AK1: variants seen among roughly 807,000 people sequenced by gnomAD.
AK1 encodes the protein adenylate kinase isoenzyme 1.
In AK1, 13 loss-of-function variants were observed where a neutral mutation model predicts 23.9. That is an observed-to-expected ratio of 0.54 (90% CI 0.35 to 0.86). The LOEUF is 0.86. Among genes scored for constraint, AK1 ranks in the 40% least tolerant of loss-of-function variants. The probability of loss-of-function intolerance (pLI) is 0.01; values close to 1 mark genes in which losing one functional copy is unlikely to be tolerated. For synonymous variants in AK1, 97 were observed against 102.8 expected, an observed-to-expected ratio of 0.94 and a Z score of 0.34; for missense variants, 214 against 255.1, an observed-to-expected ratio of 0.84 and a Z score of 1.10.
In AK1 at chr9:127,873,430, T is replaced by A. The variant is rs1231634567; in HGVS notation, c.8-369A>T. On this transcript the variant is annotated intron_variant, in intron 2 of 6. Transcript: ENST00000644144. ...AGATCGTCTTCTCTGCGGGGGTCAC[T>A]CGAGGAGCAGCAGCCCATGGTCCCG... 3.9e-6 allele frequency: 6 copies of A among 1,558,230 alleles called. No homozygotes were observed. The Admixed American group carries it at 9.8e-5, about 25-fold the overall frequency.
chr9:127,870,141 G>A (rs952250713), intron 5 of AK1, among the ~76,000 whole-genome samples: 11 of 151,818 alleles, frequency 7.2e-5, no homozygotes, highest in African/African-American at 2.7e-4. Context: ...GCAGGGATGG[G>A]ACCAGGGCTG....
chr9:127,871,783 CCCCAGCCCACCAGGATCCCCACTTGGGT>C lies in AK1; in HGVS notation c.324+12_324+39del. On this transcript the variant is annotated intron_variant, in intron 5 of 6. Transcript: ENST00000644144. The surrounding 1 kb of genome is among the most constrained non-coding windows in gnomAD (Gnocchi z 4.4). ...CCATGGGGATGGGAGTCTTATCCTG[CCCCAGCCCACCAGGATCCCCACTTGGGT>C]CAGTGCCTTACCCGTCGCTCAAACT... 1 of 1,566,162 alleles carries C rather than the reference CCCCAGCCCACCAGGATCCCCACTTGGGT, an allele frequency of 6.4e-7. No homozygotes were observed. Among genetic ancestry groups the C allele is most frequent in the Non-Finnish European group, 8.8e-7 (1 of 1,136,970 alleles).
At chr9:127,872,922 C>A in intron 3 of AK1, 69 bp from the exon 4 acceptor site, 1 of 1,613,002 alleles carries the variant, frequency 6.2e-7, no homozygotes, top group Non-Finnish European at 8.5e-7. Flanking sequence ...CTGCCAGGGT[C>A]TCCCAGAGAG....
rs540816728 is a variant in AK1, at chr9:127,876,427, C to G, written c.-33+1196G>C. 5.3e-5 allele frequency among the ~76,000 whole-genome samples: 8 copies of G among 152,330 alleles called. No individual in the cohort carries two copies. In the South Asian group the frequency reaches 1.7e-3, roughly 32 times the overall value. On this transcript the variant is annotated intron_variant, in intron 1 of 6. Coordinates refer to ENST00000644144, the MANE Select transcript of AK1 (RefSeq NM_000476.3). ...GACTGGTTCGAGGGCCAGCTAGGGTCCAACTCGGCCCTGAGTTTCTGCTAC... is the reference window on the plus strand; with the variant it reads ...GACTGGTTCGAGGGCCAGCTAGGGTGCAACTCGGCCCTGAGTTTCTGCTAC...
chr9:127,872,845 C>T lies in AK1; in HGVS notation c.52G>A (p.Gly18Ser), dbSNP rs757082739. 1 of 1,614,096 alleles carries T rather than the reference C, an allele frequency of 6.2e-7. No homozygotes were observed. Among genetic ancestry groups the T allele is most frequent in the Admixed American group, 1.7e-5 (1 of 60,022 alleles). ...TKIIFVVGGPGSGKGTQCEKI... is the reference protein window; with the variant it reads ...TKIIFVVGGPSSGKGTQCEKI... ...TCACACTGGGTGCCCTTCCCTGAGC[C>T]AGGCCCACCTGCAAACGCCCACCCA... Residue 18 changes from glycine (G) to serine (S), a missense_variant, in exon 4 of 7, where the codon GGC becomes AGC. Physicochemically the swap from Gly to Ser is moderately conservative, Grantham distance 56. Coordinates refer to ENST00000644144, the MANE Select transcript of AK1 (RefSeq NM_000476.3).
intron 5 of AK1, among the ~76,000 whole-genome samples, chr9:127,870,196 G>A (rs1050737307): frequency 1.6e-5 from 2 of 128,396 alleles, no homozygotes; most frequent in Non-Finnish European, 3.2e-5. Context: ...TGGAAGGGTG[G>A]GGACTTTTTT....
chr9:127,873,818 C>G (rs1829475787), intron 2 of AK1: 1 of 985,316 alleles, frequency 1.0e-6, no homozygotes, highest in South Asian at 4.7e-5. Context: ...AATAGAGGAC[C>G]AGGCTGTATC....
Position 127,867,737 on chromosome 9 carries a change from G to C in AK1, c.*271C>G, listed in dbSNP as rs1829278808. On this transcript the variant is annotated 3_prime_UTR_variant, in exon 7 of 7. Transcript: ENST00000644144. ...GAGGGGTGGCTGGCAAAGGGAGGCT[G>C]AGGAGGAACGGAGGGTTGAGGGGCT... is the stretch of plus-strand genomic sequence containing the variant. 4.4e-6 allele frequency: 2 copies of C among 454,482 alleles called. No homozygotes were observed. The highest frequency in any genetic ancestry group is 6.9e-5 in the Admixed American group (2 of 29,020). 28.2% of individuals were successfully genotyped at this position (454,482 alleles called of 1,614,324 possible).
At chr9:127,870,515 A>G (rs1003708781) in intron 5 of AK1, among the ~76,000 whole-genome samples, 1 of 151,730 alleles carries the variant, frequency 6.6e-6, no homozygotes, top group Non-Finnish European at 1.5e-5. Context: ...CATTAACTCT[A>G]TTTTCTAGAT....
Position 127,868,211 on chromosome 9 carries a change from GA to G in AK1, c.516+109del, listed in dbSNP as rs1201140809. The G allele has an allele frequency of 2.8e-6, 4 of 1,448,874 alleles. No homozygotes were observed. Among genetic ancestry groups the G allele is most frequent in the Non-Finnish European group, 3.8e-6 (4 of 1,052,420 alleles). 89.8% of individuals were successfully genotyped at this position (1,448,874 alleles called of 1,614,324 possible). A position where few individuals can be genotyped will look rare whatever the true frequency, so the allele number is the denominator to read the frequency against. On this transcript the variant is annotated intron_variant, in intron 6 of 6. Transcript: ENST00000644144. The surrounding 1 kb of genome is among the most constrained non-coding windows in gnomAD (Gnocchi z 4.1). ...AGCAGCCCCTCATTGAACCAGTGGGGAAACCAAGGCCCAGAGAGAGGGGCTG... is the reference window on the plus strand; with the variant it reads ...AGCAGCCCCTCATTGAACCAGTGGGGAACCAAGGCCCAGAGAGAGGGGCTG...
upstream of AK1, chr9:127,878,436 A>AGAGAACGG (rs1554816389): frequency 6.6e-6 from 1 of 152,282 alleles, no homozygotes; most frequent in Non-Finnish European, 1.5e-5. Context: ...TAGACACAGC[A>AGAGAACGG]GAGAACGGGA....
chr9:127,875,185 C>G (rs1829509525), intron 1 of AK1, among the ~76,000 whole-genome samples: 1 of 152,054 alleles, frequency 6.6e-6, no homozygotes, highest in African/African-American at 2.4e-5. Flanking sequence ...AGGAGCCGCT[C>G]GCATGAACAC....
At chr9:127,870,442 G>T (rs908463398) in intron 5 of AK1, among the ~76,000 whole-genome samples, 18 of 152,220 alleles carry the variant, frequency 1.2e-4, no homozygotes, top group African/African-American at 4.1e-4. Flanking sequence ...CAAGTGATCT[G>T]CCCTCTTTGG....
chr9:127,872,573 G>A (rs1829438151), intron 4 of AK1, 117 bp downstream of exon 4: 2 of 1,383,846 alleles, frequency 1.4e-6, no homozygotes, highest in Admixed American at 3.7e-5. Flanking sequence ...AGAAGGGTTT[G>A]GAGCCGGGGG....
intron 3 of AK1, 29 bp from the exon 4 acceptor site, chr9:127,872,882 C>A: frequency 6.2e-7 from 1 of 1,613,792 alleles, no homozygotes; most frequent in Non-Finnish European, 8.5e-7. Context: ...TCATAAACCC[C>A]GAGACACAGG....
Position 127,874,648 on chromosome 9 carries a change from C to T in AK1, c.-31G>A, listed in dbSNP as rs769961107. Reference sequence around the variant, plus strand: ...CGAGGTCCCGGGAGCCGTGTCAGTGCTCTGTAAGACAAGGGCACAGGTTGG... The same window carrying T: ...CGAGGTCCCGGGAGCCGTGTCAGTGTTCTGTAAGACAAGGGCACAGGTTGG... On this transcript the variant is annotated splice_region_variant and 5_prime_UTR_variant, in exon 2 of 7. Coordinates refer to ENST00000644144, the MANE Select transcript of AK1 (RefSeq NM_000476.3). The T allele has an allele frequency of 9.9e-6, 16 of 1,613,856 alleles. No individual in the cohort carries two copies. Among genetic ancestry groups the T allele is most frequent in the Non-Finnish European group, 1.4e-5 (16 of 1,179,920 alleles).
intron 5 of AK1, among the ~76,000 whole-genome samples, chr9:127,869,102 T>C (rs910953091): frequency 6.6e-6 from 1 of 152,136 alleles, no homozygotes; most frequent in Non-Finnish European, 1.5e-5. Flanking sequence ...GGCTGCTGAG[T>C]CCTGGGGGGT....
chr9:127,875,737 C>T (rs183104169), intron 1 of AK1, among the ~76,000 whole-genome samples: 2 of 152,216 alleles, frequency 1.3e-5, no homozygotes, highest in East Asian at 3.9e-4. Flanking sequence ...CTCCAGGCCC[C>T]TATGGCCAAG....
chr9:127,869,432 G>C (rs1212553533), intron 5 of AK1: 2 of 153,080 alleles, frequency 1.3e-5, no homozygotes, highest in Non-Finnish European at 2.9e-5. Flanking sequence ...TCGTGCCTCT[G>C]TCCAGCTGTG....
Sources: allele counts gnomAD v4.1 joint callset (sites outside exome capture counted in the v4.1 genomes callset), GRCh38; gene constraint gnomAD v4.1.1; non-coding constraint Gnocchi (gnomAD v3.1); transcripts MANE v1.5; gene names NCBI Gene and HGNC (gene_info 2026-07-23, HGNC 2026-07-21).